The following PELI2 variants were observed in gnomAD, a reference collection of about 807,000 sequenced individuals.
PELI2 encodes E3 ubiquitin-protein ligase pellino homolog 2.
In PELI2, 23 loss-of-function variants were observed where a neutral mutation model predicts 42.3. That is an observed-to-expected ratio of 0.54 (90% CI 0.39 to 0.77). PELI2 has a LOEUF of 0.77. PELI2 is among the 30% of genes least tolerant of loss of function. The probability of loss-of-function intolerance (pLI) is 0.00; values close to 1 mark genes in which losing one functional copy is unlikely to be tolerated. For synonymous variants in PELI2, 245 were observed against 212.2 expected (o/e 1.15, Z -1.34); for missense variants, 463 against 553.2 (o/e 0.84, Z 1.64).
chr14:56,271,009 C>T (rs1051423441), intron 2 of PELI2, among the ~76,000 whole-genome samples: 1 of 152,050 alleles, frequency 6.6e-6, no homozygotes, highest in Admixed American at 6.6e-5. Flanking sequence ...TTTCTTCTGC[C>T]CGATGTTTAA....
intron 2 of PELI2, among the ~76,000 whole-genome samples, chr14:56,272,951 C>G (rs1269051901): frequency 1.3e-5 from 2 of 152,156 alleles, no homozygotes; most frequent in African/African-American, 4.8e-5. Flanking sequence ...AAAAAGTGCT[C>G]TGGTACCAGT....
At chr14:56,165,830 C>T (rs1884938459) in intron 1 of PELI2, among the ~76,000 whole-genome samples, 2 of 152,088 alleles carry the variant, frequency 1.3e-5, no homozygotes, top group Non-Finnish European at 2.9e-5. Context: ...AGTATAGCAA[C>T]TCCTGCTCTT....
At chr14:56,124,964 T>G (rs1030158361) in intron 1 of PELI2, among the ~76,000 whole-genome samples, 1 of 152,190 alleles carries the variant, frequency 6.6e-6, no homozygotes, top group African/African-American at 2.4e-5. Flanking sequence ...GTTTGGACTT[T>G]ACCCTAAGAG....
chr14:56,247,411 G>A lies in PELI2; in HGVS notation c.208-32265G>A, dbSNP rs193094681. Among the ~76,000 whole-genome samples, 3 of 152,188 alleles carry A rather than the reference G, an allele frequency of 2.0e-5. No individual in the cohort carries two copies. In the East Asian group the frequency reaches 5.8e-4, roughly 29 times the overall value. On this transcript the variant is annotated intron_variant, in intron 2 of 5. Transcript: ENST00000267460. ...GGTTGTCTGCATGCTGTTAGAAATA[G>A]TGGTGCAGGGGACTGCTTGAGCATA...
intron 4 of PELI2, among the ~76,000 whole-genome samples, chr14:56,289,628 A>T (rs1889762379): frequency 7.1e-6 from 1 of 141,592 alleles, no homozygotes; most frequent in Admixed American, 7.1e-5. Context: ...CCCCCGCCCC[A>T]GCCACATGAA....
chr14:56,183,499 TTAAG>T (rs1232836212), intron 2 of PELI2, among the ~76,000 whole-genome samples: 1 of 152,182 alleles, frequency 6.6e-6, no homozygotes, highest in Non-Finnish European at 1.5e-5. Flanking sequence ...TTTTCTGACA[TTAAG>T]TATTTATTAG....
At chr14:56,177,143 A>G (rs961373873) in intron 1 of PELI2, among the ~76,000 whole-genome samples, 6 of 152,238 alleles carry the variant, frequency 3.9e-5, no homozygotes, top group African/African-American at 1.4e-4. Flanking sequence ...TAAAAAGACA[A>G]TGGGAATAAC....
chr14:56,126,970 T>G (rs1391684400), intron 1 of PELI2, among the ~76,000 whole-genome samples: 1 of 152,182 alleles, frequency 6.6e-6, no homozygotes, highest in Non-Finnish European at 1.5e-5. Flanking sequence ...ATTGAGTTGT[T>G]TTTTGTCTCC....
intron 2 of PELI2, among the ~76,000 whole-genome samples, chr14:56,260,849 T>C (rs1391337129): frequency 6.6e-6 from 1 of 152,166 alleles, no homozygotes; most frequent in Non-Finnish European, 1.5e-5. Flanking sequence ...TGAATGGATA[T>C]GGACACATCT....
At chr14:56,214,200 A>G (rs1281526074) in intron 2 of PELI2, among the ~76,000 whole-genome samples, 1 of 152,114 alleles carries the variant, frequency 6.6e-6, no homozygotes, top group Non-Finnish European at 1.5e-5. Context: ...TCCTAATGTC[A>G]CTACAGTATA....
intron 2 of PELI2, among the ~76,000 whole-genome samples, chr14:56,272,686 C>A (rs1889147453): frequency 6.6e-6 from 1 of 152,192 alleles, no homozygotes; most frequent in Non-Finnish European, 1.5e-5. Context: ...AATATTAATA[C>A]AAAATTTTCT....
At position 56,206,478 on chromosome 14, in the gene PELI2, G is replaced by A. The variant is rs113660824; in HGVS notation, c.207+28014G>A. ...CCTTAGTGTTTTGGTCATACGAAGC[G>A]CTCCAGTAAGTTGTCATTTCAGAGT... is the stretch of plus-strand genomic sequence containing the variant. On this transcript the variant is annotated intron_variant, in intron 2 of 5. Coordinates refer to ENST00000267460, the MANE Select transcript of PELI2 (RefSeq NM_021255.3). Among the ~76,000 whole-genome samples, 1,027 of 151,934 alleles carry A rather than the reference G, an allele frequency of 6.8e-3. 7 individuals are homozygous for A. The highest frequency in any genetic ancestry group is 0.044 in the Middle Eastern group (13 of 294).
At chr14:56,265,791 CAG>C (rs1883792494) in intron 2 of PELI2, among the ~76,000 whole-genome samples, 1 of 151,922 alleles carries the variant, frequency 6.6e-6, no homozygotes, top group African/African-American at 2.4e-5. Flanking sequence ...CAGAATTGAA[CAG>C]AGACTTCCCC....
rs367939827 is a variant in PELI2 at position 56,265,225 on chromosome 14, C to G, written c.208-14451C>G. The stretch of plus-strand genomic sequence containing the variant: ...AACAGAATTGGAGTACTCCCAGTGA[C>G]TTCAAGACTTTATTTTAAAGCTACA... On this transcript the variant is annotated intron_variant, in intron 2 of 5. Transcript: ENST00000267460. Among the ~76,000 whole-genome samples, 28 of 152,228 alleles carry G rather than the reference C, an allele frequency of 1.8e-4. No homozygotes were observed. The South Asian group carries it at 5.8e-3, about 32-fold the overall frequency.
chr14:56,232,867 C>T (rs192507539), intron 2 of PELI2, among the ~76,000 whole-genome samples: 103 of 152,118 alleles, frequency 6.8e-4, no homozygotes, highest in African/African-American at 2.3e-3. Flanking sequence ...ACCCTATCAT[C>T]TCAGCCCAAA....
intron 2 of PELI2, among the ~76,000 whole-genome samples, chr14:56,265,429 T>C (rs1027659312): frequency 6.6e-6 from 1 of 152,112 alleles, no homozygotes; most frequent in East Asian, 1.9e-4. Flanking sequence ...TGCAGAAATA[T>C]GAATTTGATT....
intron 1 of PELI2, among the ~76,000 whole-genome samples, chr14:56,121,549 ATGAC>A (rs1247287814): frequency 3.9e-5 from 6 of 152,208 alleles, no homozygotes; most frequent in African/African-American, 1.4e-4. Flanking sequence ...GTAGAGAAAA[ATGAC>A]TGGTCTAACC....
At chr14:56,253,134 A>G (rs1330025015) in intron 2 of PELI2, among the ~76,000 whole-genome samples, 1 of 152,196 alleles carries the variant, frequency 6.6e-6, no homozygotes, top group Non-Finnish European at 1.5e-5. Flanking sequence ...AGAAAAGGCC[A>G]TCGATAAAAT....
At chr14:56,205,029 CAAAAAAA>C (rs35776509) in intron 2 of PELI2, among the ~76,000 whole-genome samples, 4 of 91,178 alleles carry the variant, frequency 4.4e-5, no homozygotes, top group South Asian at 3.6e-4. Flanking sequence ...GACTCCCTGT[CAAAAAAA>C]AAAAAAAAAA....
Sources: allele counts gnomAD v4.1 joint callset (sites outside exome capture counted in the v4.1 genomes callset), GRCh38; gene constraint gnomAD v4.1.1; transcripts MANE v1.5; gene names NCBI Gene and HGNC (gene_info 2026-07-23, HGNC 2026-07-21).